HIBADH: variants seen among roughly 807,000 people sequenced by gnomAD.
HIBADH encodes the protein 3-hydroxyisobutyrate dehydrogenase.
In HIBADH, 25 loss-of-function variants were observed where a neutral mutation model predicts 36.1. That is an observed-to-expected ratio of 0.69 (90% CI 0.50 to 0.97). The LOEUF is 0.97. Ranked by LOEUF, HIBADH falls within the 50% of genes least tolerant of loss-of-function variation. HIBADH has a pLI of 0.00. For synonymous variants in HIBADH, 160 were observed against 149.5 expected, an observed-to-expected ratio of 1.07 and a Z score of -0.51; for missense variants, 421 against 418.0, an observed-to-expected ratio of 1.01 and a Z score of -0.06.
intron 4 of HIBADH, among the ~76,000 whole-genome samples, chr7:27,619,992 G>C (rs1331742107): frequency 2.6e-5 from 4 of 152,140 alleles, no homozygotes. Flanking sequence ...AATGCTAAAA[G>C]ATCTTCTTCA....
intron 4 of HIBADH, among the ~76,000 whole-genome samples, chr7:27,613,667 T>TTTTG (rs1785374499): frequency 4.0e-5 from 2 of 50,298 alleles, no homozygotes; most frequent in Admixed American, 2.3e-4. Context: ...TTTTTTTTGT[T>TTTTG]TTTTTTTTTT....
At chr7:27,544,282 T>C (rs1018994128) in intron 4 of HIBADH, among the ~76,000 whole-genome samples, 50 of 152,214 alleles carry the variant, frequency 3.3e-4, no homozygotes, top group African/African-American at 1.2e-3. Flanking sequence ...TCAAATAGCT[T>C]TCTATTTTAC....
At chr7:27,644,354 C>G (rs186089548) in intron 2 of HIBADH, among the ~76,000 whole-genome samples, 284 of 152,144 alleles carry the variant, frequency 1.9e-3, no homozygotes, top group African/African-American at 6.6e-3. Flanking sequence ...AATCTCAGCA[C>G]TTTGGGAGGC....
intron 4 of HIBADH, among the ~76,000 whole-genome samples, chr7:27,592,352 TGAAA>T (rs1385247396): frequency 5.9e-5 from 9 of 152,258 alleles, no homozygotes; most frequent in African/African-American, 2.2e-4. Flanking sequence ...GTTTGCTGGA[TGAAA>T]GAATGTTTAA....
At chr7:27,539,604 G>T in intron 5 of HIBADH, among the ~76,000 whole-genome samples, 1 of 152,010 alleles carries the variant, frequency 6.6e-6, no homozygotes, top group East Asian at 1.9e-4. Context: ...GAAGTCCATG[G>T]GTTATTGCTG....
At chr7:27,576,785 A>C (rs1784717246) in intron 4 of HIBADH, among the ~76,000 whole-genome samples, 1 of 152,162 alleles carries the variant, frequency 6.6e-6, no homozygotes, top group Non-Finnish European at 1.5e-5. Context: ...ATTATGATCG[A>C]GCACCTATTT....
At chr7:27,526,438 CTTATGTTTTGGTTTG>C in intron 7 of HIBADH, 66 bp from the exon 8 acceptor site, 1 of 1,288,796 alleles carries the variant, frequency 7.8e-7, no homozygotes, top group Non-Finnish European at 1.0e-6. Flanking sequence ...ACTGTGGTTC[CTTATGTTTTGGTTTG>C]AAAGAAGGAA....
At chr7:27,574,013 T>G (rs1159540407) in intron 4 of HIBADH, among the ~76,000 whole-genome samples, 1 of 152,184 alleles carries the variant, frequency 6.6e-6, no homozygotes. Context: ...TTTCAGAATT[T>G]GAACCTAAAA....
chr7:27,662,710 T>C lies in HIBADH; in HGVS notation c.79A>G (p.Ser27Gly). The change falls in exon 1 of 8, where the codon AGC becomes GGC. Residue 27 changes from serine to glycine, a missense_variant. Coordinates refer to ENST00000265395, the MANE Select transcript of HIBADH (RefSeq NM_152740.4). ...WSRRLRPAAG[S>G]FAAVCSRSVA... is the part of the protein sequence containing the mutation. ...GTGAGGTCCTTACCCGCTGCAAAGC[T>C]GCCGGCTGCCGGCCGCAGCCGCCGG... 7.3e-7 allele frequency: 1 copy of C among 1,368,360 alleles called. No individual in the cohort carries two copies. Among genetic ancestry groups the C allele is most frequent in the Non-Finnish European group, 9.5e-7 (1 of 1,054,332 alleles). The allele number at this position is 1,368,360 out of a possible 1,614,324, so 84.8% of individuals were successfully genotyped here.
chr7:27,647,318 G>A (rs918758034), intron 2 of HIBADH, among the ~76,000 whole-genome samples: 2 of 152,022 alleles, frequency 1.3e-5, no homozygotes, highest in African/African-American at 2.4e-5. Flanking sequence ...TACTCAGAAC[G>A]GCATGCAATT....
At position 27,584,554 on chromosome 7, in the gene HIBADH, T is replaced by C. The variant is rs1248700080; in HGVS notation, c.485-41454A>G. Reference sequence around the variant, plus strand: ...GACTCACTTTTTTCTTTCTATAAGATGTCTTGTTATTCTTTGAAATAAAAA... The same window carrying C: ...GACTCACTTTTTTCTTTCTATAAGACGTCTTGTTATTCTTTGAAATAAAAA... On this transcript the variant is annotated intron_variant, in intron 4 of 7. Coordinates refer to ENST00000265395, the MANE Select transcript of HIBADH (RefSeq NM_152740.4). Among the ~76,000 whole-genome samples the C allele has an allele frequency of 1.2e-4, 18 of 152,212 alleles. No individual in the cohort carries two copies. The East Asian group carries it at 2.9e-3, about 24-fold the overall frequency.
intron 2 of HIBADH, among the ~76,000 whole-genome samples, chr7:27,633,642 A>G (rs545951591): frequency 6.6e-6 from 1 of 152,254 alleles, no homozygotes; most frequent in South Asian, 2.1e-4. Flanking sequence ...CTGCCTGGGC[A>G]ACAGAGCGAG....
intron 6 of HIBADH, among the ~76,000 whole-genome samples, chr7:27,537,926 A>C (rs1198741582): frequency 6.6e-6 from 1 of 152,162 alleles, no homozygotes; most frequent in Non-Finnish European, 1.5e-5. Flanking sequence ...AAAGGTACAT[A>C]AACTAGTCAC....
chr7:27,588,722 C>T (rs1045840596), intron 4 of HIBADH, among the ~76,000 whole-genome samples: 1 of 152,170 alleles, frequency 6.6e-6, no homozygotes, highest in Non-Finnish European at 1.5e-5. Flanking sequence ...CTAGAAATTA[C>T]TAAAATTTCC....
chr7:27,537,429 CTTT>C (rs1784084809), intron 6 of HIBADH, among the ~76,000 whole-genome samples: 1 of 152,022 alleles, frequency 6.6e-6, no homozygotes, highest in Non-Finnish European at 1.5e-5. Context: ...TATGTTGGCT[CTTT>C]TTATTACTTT....
intron 4 of HIBADH, among the ~76,000 whole-genome samples, chr7:27,580,222 T>C (rs1473609920): frequency 6.6e-6 from 1 of 152,174 alleles, no homozygotes; most frequent in Admixed American, 6.6e-5. Context: ...CAGATTCACT[T>C]CAGTGAGAAA....
chr7:27,638,989 G>A (rs1356994535), intron 2 of HIBADH, among the ~76,000 whole-genome samples: 1 of 152,196 alleles, frequency 6.6e-6, no homozygotes, highest in African/African-American at 2.4e-5. Context: ...TACACCGCTG[G>A]TGGGAATGCA....
intron 4 of HIBADH, among the ~76,000 whole-genome samples, chr7:27,601,312 TACTA>T (rs1041418801): frequency 2.6e-5 from 4 of 152,112 alleles, no homozygotes; most frequent in Non-Finnish European, 5.9e-5. Context: ...GGATTAAAAA[TACTA>T]ACAAGATGAA....
At chr7:27,605,586 C>CAAAAAA (rs70994666) in intron 4 of HIBADH, among the ~76,000 whole-genome samples, 35 of 33,600 alleles carry the variant, frequency 1.0e-3, no homozygotes, top group Admixed American at 1.2e-3. Context: ...TTTAGACAAG[C>CAAAAAA]AAAAAAAAAA....
Sources: allele counts gnomAD v4.1 joint callset (sites outside exome capture counted in the v4.1 genomes callset), GRCh38; gene constraint gnomAD v4.1.1; transcripts MANE v1.5; gene names NCBI Gene and HGNC (gene_info 2026-07-23, HGNC 2026-07-21).